Variants in DOCK1 observed in about 807,000 individuals in gnomAD.
The protein encoded by DOCK1 is dedicator of cytokinesis 1, also known as dedicator of cytokinesis protein 1.
A neutral mutation model predicts 262.7 loss-of-function variants in DOCK1; 138 were observed. The ratio of observed to expected loss-of-function variants is 0.53; its 90% CI spans 0.46 to 0.61. DOCK1 has a LOEUF of 0.61. Ranked by LOEUF, DOCK1 falls within the 20% of genes least tolerant of loss-of-function variation. The pLI is 0.00. For synonymous variants in DOCK1, 866 were observed against 867.4 expected, an observed-to-expected ratio of 1.00 and a Z score of 0.03; for missense variants, 1,908 against 2,370.7, an observed-to-expected ratio of 0.80 and a Z score of 4.05.
intron 18 of DOCK1, 129 bp downstream of exon 18, chr10:127,032,449 C>G: frequency 2.1e-6 from 2 of 974,616 alleles, no homozygotes; most frequent in Non-Finnish European, 2.9e-6. Flanking sequence ...TTCATTGCAT[C>G]GGGCTGTGAT....
chr10:127,307,089 G>A (rs1410073692), intron 29 of DOCK1, among the ~76,000 whole-genome samples: 1 of 152,148 alleles, frequency 6.6e-6, no homozygotes, highest in Non-Finnish European at 1.5e-5. Flanking sequence ...TTTGAGAGCA[G>A]GTAAAAAGAG....
intron 38 of DOCK1, among the ~76,000 whole-genome samples, chr10:127,392,205 T>A (rs1027838627): frequency 6.6e-6 from 1 of 150,796 alleles, no homozygotes; most frequent in Non-Finnish European, 1.5e-5. Flanking sequence ...CTTTTGGAGT[T>A]CACCGGCGAA....
At chr10:126,951,062 G>C (rs1223786322) in intron 1 of DOCK1, among the ~76,000 whole-genome samples, 1 of 151,798 alleles carries the variant, frequency 6.6e-6, no homozygotes, top group African/African-American at 2.4e-5. Context: ...GGTGGTGGTA[G>C]TATTGTTTTT....
chr10:127,181,406 T>A (rs1187680030), intron 27 of DOCK1, among the ~76,000 whole-genome samples: 1 of 152,208 alleles, frequency 6.6e-6, no homozygotes, highest in Non-Finnish European at 1.5e-5. Flanking sequence ...ATGTCCGTGC[T>A]GATTTGCAGG....
intron 27 of DOCK1, among the ~76,000 whole-genome samples, chr10:127,164,610 T>C (rs1227008463): frequency 6.6e-6 from 1 of 152,250 alleles, no homozygotes; most frequent in Non-Finnish European, 1.5e-5. Flanking sequence ...ACATTATTAT[T>C]GTCAGAAATA....
chr10:126,917,593 C>T (rs949305577), intron 1 of DOCK1, among the ~76,000 whole-genome samples: 1 of 152,154 alleles, frequency 6.6e-6, no homozygotes, highest in South Asian at 2.1e-4. Context: ...GTGGCTGATC[C>T]GAGTCAGGCC....
At chr10:126,969,126 T>C (rs779820497) in intron 1 of DOCK1, among the ~76,000 whole-genome samples, 5 of 152,232 alleles carry the variant, frequency 3.3e-5, no homozygotes, top group African/African-American at 4.8e-5. Flanking sequence ...ATGGACCCCA[T>C]TGTGCCAGAT....
chr10:126,926,679 G>A (rs1390167427), intron 1 of DOCK1, among the ~76,000 whole-genome samples: 1 of 152,154 alleles, frequency 6.6e-6, no homozygotes, highest in Admixed American at 6.5e-5. Context: ...TATGCCTGGT[G>A]TCCTTGTTAA....
chr10:127,106,890 G>C (rs1263060933), intron 24 of DOCK1, among the ~76,000 whole-genome samples: 1 of 152,104 alleles, frequency 6.6e-6, no homozygotes, highest in African/African-American at 2.4e-5. Flanking sequence ...TGTGCTGTTT[G>C]TTTCCTAATC....
intron 4 of DOCK1, among the ~76,000 whole-genome samples, chr10:126,984,652 A>T (rs1221556598): frequency 3.9e-5 from 6 of 151,968 alleles, no homozygotes; most frequent in Admixed American, 6.6e-5. Context: ...TACAGATGTG[A>T]GCCACCGCAC....
chr10:127,076,291 G>C (rs1248699073), intron 23 of DOCK1, among the ~76,000 whole-genome samples: 1 of 152,188 alleles, frequency 6.6e-6, no homozygotes, highest in Non-Finnish European at 1.5e-5. Flanking sequence ...CACAAGGTCA[G>C]TAGATCAAGA....
chr10:126,936,068 A>G (rs1000476024), intron 1 of DOCK1, among the ~76,000 whole-genome samples: 1 of 152,090 alleles, frequency 6.6e-6, no homozygotes, highest in African/African-American at 2.4e-5. Flanking sequence ...GCAGCCTTGA[A>G]CTCCTAGGCT....
At position 127,415,153 on chromosome 10, in the gene DOCK1, A is replaced by C. The variant is rs772966246; in HGVS notation, c.4430A>C (p.Asn1477Thr). The change falls in exon 44 of 52, where the codon AAT (asparagine) becomes ACT (threonine). Residue 1477 changes from asparagine to threonine, a missense_variant and splice_region_variant. Physicochemically the swap from Asn to Thr is moderately conservative, Grantham distance 65. Coordinates refer to ENST00000623213, the MANE Select transcript of DOCK1 (RefSeq NM_001290223.2). ...TGTGTGTGTGTGTTTCCTTTGCAGAATATGTGGATCGAGAGAACCATATAT... is the reference window on the plus strand; with the variant it reads ...TGTGTGTGTGTGTTTCCTTTGCAGACTATGTGGATCGAGAGAACCATATAT... ...GEKNPDNEFANMWIERTIYTT... is the reference protein window; with the variant it reads ...GEKNPDNEFATMWIERTIYTT... The C allele has an allele frequency of 1.9e-6, 3 of 1,613,210 alleles. No individual in the cohort carries two copies. Among genetic ancestry groups the C allele is most frequent in the Admixed American group, 3.3e-5 (2 of 60,012 alleles).
chr10:127,137,839 A>G (rs1385400813), intron 27 of DOCK1: 2 of 1,612,804 alleles, frequency 1.2e-6, no homozygotes, highest in African/African-American at 2.7e-5. Context: ...CGTGAGTGTT[A>G]AAGGAACCAG....
At chr10:127,163,800 T>C (rs1395212445) in intron 27 of DOCK1, among the ~76,000 whole-genome samples, 1 of 125,508 alleles carries the variant, frequency 8.0e-6, no homozygotes, top group Non-Finnish European at 1.7e-5. Flanking sequence ...AAAGCCTTCC[T>C]TTTTTTTTTT....
chr10:127,155,233 CTT>C (rs2052922895), intron 27 of DOCK1, among the ~76,000 whole-genome samples: 1 of 152,072 alleles, frequency 6.6e-6, no homozygotes, highest in Non-Finnish European at 1.5e-5. Context: ...TTGAAAATAA[CTT>C]TTGTTTTCCT....
chr10:127,237,137 TC>T, intron 27 of DOCK1, among the ~76,000 whole-genome samples: 2 of 152,164 alleles, frequency 1.3e-5, no homozygotes, highest in East Asian at 3.9e-4. Context: ...GGCGGGCAGA[TC>T]ACCTGAGGTC....
At chr10:127,337,056 C>G (rs2063233849) in intron 29 of DOCK1, among the ~76,000 whole-genome samples, 1 of 151,710 alleles carries the variant, frequency 6.6e-6, no homozygotes, top group Non-Finnish European at 1.5e-5. Flanking sequence ...CCCTAGGGTA[C>G]TCTGCAAATA....
intron 29 of DOCK1, among the ~76,000 whole-genome samples, chr10:127,262,197 C>T (rs531402114): frequency 1.0e-5 from 1 of 96,988 alleles, no homozygotes; most frequent in Non-Finnish European, 2.0e-5. Context: ...TGTACCCGTG[C>T]TCATCTGTGT....
Sources: gnomAD v4.1 joint callset for allele counts (sites outside exome capture counted in the v4.1 genomes callset) on GRCh38, gnomAD v4.1.1 for gene constraint, MANE v1.5 for transcripts, NCBI Gene and HGNC (gene_info 2026-07-23, HGNC 2026-07-21) for gene names.